SOX6: variants seen among roughly 807,000 people sequenced by gnomAD.
SOX6 encodes the protein transcription factor SOX-6.
In SOX6, 11 loss-of-function variants were observed where a neutral mutation model predicts 97.8. The observed-to-expected ratio is 0.11, with a 90% confidence interval of 0.07 to 0.19. The LOEUF is 0.19. Ranked by LOEUF, SOX6 falls within the 10% of genes least tolerant of loss-of-function variation. SOX6 has a pLI of 1.00. For synonymous variants in SOX6, 360 were observed against 371.4 expected (o/e 0.97, Z 0.35); for missense variants, 810 against 1,039.5 (o/e 0.78, Z 3.04).
intron 12 of SOX6, among the ~76,000 whole-genome samples, chr11:16,022,327 C>CT (rs1431123554): frequency 8.6e-6 from 1 of 116,156 alleles, no homozygotes; most frequent in Admixed American, 8.2e-5. Context: ...TCCTTCCTTC[C>CT]TTCTTTCCTT....
chr11:16,439,223 G>A (rs1015833069), intron 1 of SOX6, among the ~76,000 whole-genome samples: 10 of 152,246 alleles, frequency 6.6e-5, no homozygotes, highest in African/African-American at 1.4e-4. Context: ...AAGTTGAAAC[G>A]TAAAGGGAAT....
chr11:16,627,451 G>A (rs545332273), intron 3 of SOX6, among the ~76,000 whole-genome samples: 2 of 152,132 alleles, frequency 1.3e-5, no homozygotes, highest in South Asian at 2.1e-4. Flanking sequence ...TATAAGCCTC[G>A]CCAGCATTTG....
chr11:16,265,540 T>G (rs1392477750), intron 3 of SOX6, among the ~76,000 whole-genome samples: 1 of 151,860 alleles, frequency 6.6e-6, no homozygotes, highest in Non-Finnish European at 1.5e-5. Context: ...CCATGGCTAG[T>G]ATTCAACTTT....
intron 1 of SOX6, chr11:16,402,532 C>A: frequency 2.1e-6 from 2 of 940,952 alleles, no homozygotes; most frequent in Non-Finnish European, 3.4e-6. Flanking sequence ...TTTGATGGCC[C>A]ACAGAAGCAA....
At chr11:16,726,100 T>G (rs1848304479) in intron 2 of SOX6, among the ~76,000 whole-genome samples, 1 of 152,180 alleles carries the variant, frequency 6.6e-6, no homozygotes, top group African/African-American at 2.4e-5. Flanking sequence ...TTGAGGGTGA[T>G]GAAAATGTTA....
chr11:16,003,835 A>G (rs1307095772), intron 13 of SOX6, among the ~76,000 whole-genome samples: 1 of 151,986 alleles, frequency 6.6e-6, no homozygotes, highest in Non-Finnish European at 1.5e-5. Flanking sequence ...TGGGACTCAG[A>G]GATTATTGGT....
intron 4 of SOX6, among the ~76,000 whole-genome samples, chr11:16,583,630 T>TATATACATATATATATATAC (rs1204517791): frequency 1.2e-5 from 1 of 84,908 alleles, no homozygotes; most frequent in Non-Finnish European, 2.3e-5. Flanking sequence ...TATATATATA[T>TATATACATATATATATATAC]ATATATACAC....
At chr11:16,100,483 G>A (rs1848916328) in intron 7 of SOX6, among the ~76,000 whole-genome samples, 1 of 151,696 alleles carries the variant, frequency 6.6e-6, no homozygotes, top group South Asian at 2.1e-4. Flanking sequence ...CAAAGACAAA[G>A]TAGGATTTAA....
At chr11:15,980,012 A>G (rs1173242507) in intron 15 of SOX6, among the ~76,000 whole-genome samples, 1 of 152,134 alleles carries the variant, frequency 6.6e-6, no homozygotes, top group Non-Finnish European at 1.5e-5. Context: ...GGAGGCACTC[A>G]GTAAATATCT....
At chr11:16,008,705 T>C (rs2133854683) in intron 13 of SOX6, among the ~76,000 whole-genome samples, 1 of 152,220 alleles carries the variant, frequency 6.6e-6, no homozygotes, top group South Asian at 2.1e-4. Context: ...ACAGCAAATA[T>C]ATTTCTTTAA....
rs747109899 is a variant in SOX6, at chr11:15,986,423, A to G, written c.1967-3T>C. ...GGACATTGATTTCCAGCGAGATCCT[A>G]GAAATAAAAATAGCCTTAAGTACCC... On this transcript the variant is annotated splice_region_variant and splice_polypyrimidine_tract_variant and intron_variant, in intron 14 of 15. Coordinates refer to ENST00000683767, the MANE Select transcript of SOX6 (RefSeq NM_001367873.1). 6.2e-7 allele frequency: 1 copy of G among 1,613,872 alleles called. No homozygotes were observed. The highest frequency in any genetic ancestry group is 1.3e-5 in the African/African-American group (1 of 74,904).
intron 1 of SOX6, among the ~76,000 whole-genome samples, chr11:16,385,867 AT>A (rs984328177): frequency 5.3e-5 from 8 of 152,152 alleles, no homozygotes; most frequent in Non-Finnish European, 8.8e-5. Context: ...AAAATTTTGC[AT>A]TTTTTTTCTC....
intron 3 of SOX6, among the ~76,000 whole-genome samples, chr11:16,273,713 T>C (rs1590082606): frequency 1.3e-5 from 2 of 152,010 alleles, no homozygotes; most frequent in East Asian, 3.9e-4. Context: ...AGATGTCACA[T>C]ACGAAGATGA....
chr11:16,080,536 G>A (rs1848451040), intron 9 of SOX6, among the ~76,000 whole-genome samples: 1 of 149,490 alleles, frequency 6.7e-6, no homozygotes, highest in African/African-American at 2.5e-5. Flanking sequence ...ATAGGCTCTT[G>A]TTATTCTTAA....
intron 4 of SOX6, among the ~76,000 whole-genome samples, chr11:16,214,746 A>AT (rs368038119): frequency 0.023 from 2,981 of 131,180 alleles, 102 homozygotes; most frequent in East Asian, 0.12. Context: ...ACTGGAACCA[A>AT]TTTTTTTTTT....
chr11:16,566,172 G>A (rs376789967), intron 4 of SOX6, among the ~76,000 whole-genome samples: 10 of 151,410 alleles, frequency 6.6e-5, no homozygotes, highest in East Asian at 5.8e-4. Context: ...AGAATGCAAC[G>A]AGATCCTGGG....
chr11:16,047,222 CATATGTCCACTGCAG>C (rs1855860331), intron 11 of SOX6, among the ~76,000 whole-genome samples: 1 of 152,094 alleles, frequency 6.6e-6, no homozygotes, highest in South Asian at 2.1e-4. Flanking sequence ...TCTGTGTGTT[CATATGTCCACTGCAG>C]GAAAGAGGGG....
intron 1 of SOX6, among the ~76,000 whole-genome samples, chr11:16,433,703 T>A (rs1402806880): frequency 1.3e-5 from 2 of 152,126 alleles, no homozygotes; most frequent in Non-Finnish European, 2.9e-5. Flanking sequence ...CTTAAACTAG[T>A]TAATAAATTA....
chr11:16,164,425 T>G (rs982219114), intron 6 of SOX6, among the ~76,000 whole-genome samples: 3 of 152,240 alleles, frequency 2.0e-5, no homozygotes, highest in African/African-American at 7.2e-5. Flanking sequence ...AGTATTTAAC[T>G]GTTCAGTTTA....
Sources: allele counts gnomAD v4.1 joint callset (sites outside exome capture counted in the v4.1 genomes callset), GRCh38; gene constraint gnomAD v4.1.1; transcripts MANE v1.5; gene names NCBI Gene and HGNC (gene_info 2026-07-23, HGNC 2026-07-21).